The following VIRMA variants were observed in gnomAD, a reference collection of about 807,000 sequenced individuals.
VIRMA encodes the protein vir like m6A methyltransferase associated.
VIRMA carries 65 observed loss-of-function variants against 182.4 expected under a neutral mutation model. The observed-to-expected ratio is 0.36, with a 90% confidence interval of 0.29 to 0.44. VIRMA has a LOEUF of 0.44. Ranked by LOEUF, VIRMA falls within the 20% of genes least tolerant of loss-of-function variation. VIRMA has a pLI of 1.00. For synonymous variants in VIRMA, 709 were observed against 743.1 expected (o/e 0.95, Z 0.75); for missense variants, 1,752 against 2,158.1 (o/e 0.81, Z 3.73).
At chr8:94,535,159 C>T (rs1586104311) in intron 4 of VIRMA, 152 bp from the exon 5 acceptor site, 1 of 1,187,858 alleles carries the variant, frequency 8.4e-7, no homozygotes, top group Non-Finnish European at 1.1e-6. Flanking sequence ...TACCTAGGCA[C>T]AGCTTTTAGT....
Position 94,488,661 on chromosome 8 carries a change from C to T in VIRMA, c.*45G>A, listed in dbSNP as rs771044908. 2 of 1,576,282 alleles carry T rather than the reference C, an allele frequency of 1.3e-6. No individual in the cohort carries two copies. The highest frequency in any genetic ancestry group is 1.2e-5 in the South Asian group (1 of 86,284). ...CCTTCAATGTCTTATTTTTATTGTC[C>T]TCGTGAAATGTTCATATACAGTTAA... On this transcript the variant is annotated 3_prime_UTR_variant, in exon 24 of 24. Transcript: ENST00000297591.
At chr8:94,527,786 A>G (rs1057018427) in intron 7 of VIRMA, among the ~76,000 whole-genome samples, 10 of 152,248 alleles carry the variant, frequency 6.6e-5, no homozygotes, top group Non-Finnish European at 1.5e-4. Context: ...AAGTTAAGTA[A>G]GAACTAATAT....
intron 4 of VIRMA, among the ~76,000 whole-genome samples, chr8:94,535,549 C>G (rs1030110671): frequency 6.6e-6 from 1 of 152,062 alleles, no homozygotes; most frequent in Non-Finnish European, 1.5e-5. Context: ...CTTTGGAAGG[C>G]TAAGGTGGGT....
chr8:94,496,325 T>C lies in VIRMA; in HGVS notation c.4383+3A>G. 1 of 1,606,096 alleles carries C rather than the reference T, an allele frequency of 6.2e-7. No homozygotes were observed. Among genetic ancestry groups the C allele is most frequent in the Non-Finnish European group, 8.5e-7 (1 of 1,178,066 alleles). ...AAGAACGCTCTGTTTTTTTCTTTTT[T>C]ACCAAAACAAGCTTCTCTAGTTCAA... On this transcript the variant is annotated splice_donor_region_variant and intron_variant, in intron 18 of 23. Coordinates refer to ENST00000297591, the MANE Select transcript of VIRMA (RefSeq NM_015496.5).
Position 94,527,163 on chromosome 8 carries a change from T to C in VIRMA, c.1081A>G (p.Ile361Val). ...TGATCCTTCATTCTACTGATTTCAATTTCAAAAGTAGTCTTGTATGGACAA... is the reference window on the plus strand; with the variant it reads ...TGATCCTTCATTCTACTGATTTCAACTTCAAAAGTAGTCTTGTATGGACAA... The part of the protein sequence containing the change: ...FSCPYKTTFE[I>V]EISRMKDQGP... Residue 361 changes from isoleucine (I) to valine (V), a missense_variant, in exon 8 of 24, where the codon ATT (isoleucine) becomes GTT (valine). Ile to Val is a conservative substitution (Grantham distance 29, BLOSUM62 3). Transcript: ENST00000297591. The C allele has an allele frequency of 6.2e-7, 1 of 1,614,118 alleles. No individual in the cohort carries two copies. Among genetic ancestry groups the C allele is most frequent in the Non-Finnish European group, 8.5e-7 (1 of 1,180,000 alleles).
At chr8:94,496,826 G>C (rs1439781454) in intron 17 of VIRMA, 1 of 178,802 alleles carries the variant, frequency 5.6e-6, no homozygotes, top group African/African-American at 2.3e-5. Context: ...GATGAAACCT[G>C]AAATTATCTT....
chr8:94,519,930 C>T (rs999793373), intron 8 of VIRMA, among the ~76,000 whole-genome samples: 2 of 152,070 alleles, frequency 1.3e-5, no homozygotes, highest in African/African-American at 4.8e-5. Context: ...GCATCTGATG[C>T]CAGGTGCAGT....
rs761278276 is a variant in VIRMA, at chr8:94,511,681, G to A, written c.2894C>T (p.Ser965Phe). ...AATAAACGTGTCCATTCCTTCAGCA[G>A]AAAAAAGCTGAATAACGGCAAGATT... ...KWNLAVIQLF[S>F]AEGMDTFIRV... Residue 965 changes from serine to phenylalanine, a missense_variant, in exon 13 of 24, where the codon TCT (serine) becomes TTT (phenylalanine). By Grantham distance (155) the Ser-to-Phe change is radical (BLOSUM62 -2). This residue lies in a region of VIRMA where 777 missense variants were observed against 920.6 expected (regional missense o/e 0.84). Transcript: ENST00000297591. The A allele has an allele frequency of 1.2e-6, 2 of 1,613,744 alleles. No homozygotes were observed. Among genetic ancestry groups the A allele is most frequent in the South Asian group, 2.2e-5 (2 of 91,066 alleles).
chr8:94,502,738 A>G (rs1283451290), intron 16 of VIRMA, among the ~76,000 whole-genome samples: 3 of 152,144 alleles, frequency 2.0e-5, no homozygotes, highest in Non-Finnish European at 4.4e-5. Context: ...TGATCCTGGA[A>G]CACCTTGTAG....
intron 21 of VIRMA, among the ~76,000 whole-genome samples, 181 bp downstream of exon 21, chr8:94,492,471 G>A (rs1315085843): frequency 6.6e-6 from 1 of 150,610 alleles, no homozygotes; most frequent in Non-Finnish European, 1.5e-5. Context: ...TTTATTTTTA[G>A]TAGAGACAGG....
chr8:94,521,416 A>T (rs1199411345), intron 8 of VIRMA, among the ~76,000 whole-genome samples: 4 of 152,144 alleles, frequency 2.6e-5, no homozygotes, highest in Non-Finnish European at 5.9e-5. Context: ...ATGAAACTTA[A>T]CCAGATTTTA....
chr8:94,537,919 T>C (rs1349863539), intron 3 of VIRMA, among the ~76,000 whole-genome samples: 1 of 152,172 alleles, frequency 6.6e-6, no homozygotes, highest in Non-Finnish European at 1.5e-5. Flanking sequence ...AAGACACACA[T>C]AAAATATTAG....
At position 94,531,163 on chromosome 8, in the gene VIRMA, G is replaced by A. The variant is rs1324386103; in HGVS notation, c.485-78C>T. On this transcript the variant is annotated intron_variant, in intron 5 of 23. Transcript: ENST00000297591. ...GAACAACATGGCTTTGAACTGTGTG[G>A]GTCCACTTACATGTGATTTTTTTAA... The A allele has an allele frequency of 3.6e-6, 5 of 1,387,890 alleles. No individual in the cohort carries two copies. The African/African-American group carries it at 4.5e-5, about 12-fold the overall frequency. The allele number at this position is 1,387,890 out of a possible 1,614,324, so 86.0% of individuals were successfully genotyped here. A position where few individuals can be genotyped will look rare whatever the true frequency, so the allele number is the denominator to read the frequency against.
At chr8:94,507,295 C>CCAG (rs752140651) in intron 15 of VIRMA, among the ~76,000 whole-genome samples, 1 of 151,646 alleles carries the variant, frequency 6.6e-6, no homozygotes, top group Non-Finnish European at 1.5e-5. Context: ...AGCACCACAC[C>CCAG]CGGCTAATTT....
rs965756842 is a variant in VIRMA at position 94,495,087 on chromosome 8, A to G, written c.4545-131T>C. On this transcript the variant is annotated intron_variant, in intron 19 of 23. Coordinates refer to ENST00000297591, the MANE Select transcript of VIRMA (RefSeq NM_015496.5). ...ACGATCACAGTTCACTGCAGCCTTG[A>G]TCTCCTGGGCTCAAGTGATCCTCCC... is the stretch of plus-strand genomic sequence containing the variant. 5 of 692,192 alleles carry G rather than the reference A, an allele frequency of 7.2e-6. No individual in the cohort carries two copies. The African/African-American group carries it at 7.3e-5, about 10-fold the overall frequency. The allele number at this position is 692,192 out of a possible 1,614,324, so 42.9% of individuals were successfully genotyped here. A position where few individuals can be genotyped will look rare whatever the true frequency, so the allele number is the denominator to read the frequency against.
At chr8:94,534,774 A>AT (rs1400149380) in intron 5 of VIRMA, 65 bp downstream of exon 5, 102 of 1,508,110 alleles carry the variant, frequency 6.8e-5, no homozygotes, top group African/African-American at 1.7e-4. Context: ...TGCTCTTCGA[A>AT]TTATTTTTTT....
At chr8:94,517,136 GT>G (rs1389509430) in intron 10 of VIRMA, among the ~76,000 whole-genome samples, 2 of 152,168 alleles carry the variant, frequency 1.3e-5, no homozygotes, top group Non-Finnish European at 2.9e-5. Flanking sequence ...CTAAGTTGTA[GT>G]TTGTGTTTTA....
chr8:94,542,365 C>A (rs1815586322), intron 2 of VIRMA, among the ~76,000 whole-genome samples: 2 of 152,166 alleles, frequency 1.3e-5, no homozygotes, highest in South Asian at 4.2e-4. Context: ...AAGCCTCCTG[C>A]CAGCAGCCCC....
chr8:94,488,781 G>A lies in VIRMA; in HGVS notation c.5364C>T (p.Gly1788=), dbSNP rs1234634118. The change falls in exon 24 of 24, where the codon GGC becomes GGT. Residue 1788 remains glycine (G), a synonymous_variant. Coordinates refer to ENST00000297591, the MANE Select transcript of VIRMA (RefSeq NM_015496.5). ...CAAACTTTCCTCTTGAGCCTCCACT[G>A]CCGCTATTTGCACTAGCCCAGGAAG... The part of the protein sequence containing the change: ...LGPSWASANS[G]SGGSRGKFVS... 2.5e-6 allele frequency: 4 copies of A among 1,614,004 alleles called. No individual in the cohort carries two copies. The highest frequency in any genetic ancestry group is 1.3e-5 in the African/African-American group (1 of 74,904).
Sources: allele counts gnomAD v4.1 joint callset (sites outside exome capture counted in the v4.1 genomes callset), GRCh38; gene constraint gnomAD v4.1.1; regional missense constraint gnomAD v4.1.1; transcripts MANE v1.5; gene names NCBI Gene and HGNC (gene_info 2026-07-23, HGNC 2026-07-21).